Variants in CDK8 observed in about 807,000 individuals in gnomAD.
CDK8 encodes the protein cyclin dependent kinase 8, also known as cyclin-dependent kinase 8.
A neutral mutation model predicts 71.5 loss-of-function variants in CDK8; 29 were observed. That is an observed-to-expected ratio of 0.41 (90% CI 0.30 to 0.55). CDK8 has a LOEUF of 0.55. Among genes scored for constraint, CDK8 ranks in the 20% least tolerant of loss-of-function variants. The pLI, the probability that CDK8 is intolerant of heterozygous loss-of-function variation, is 0.37. For synonymous variants in CDK8, 161 were observed against 192.1 expected (o/e 0.84, Z 1.34); for missense variants, 288 against 572.6 (o/e 0.50, Z 5.07).
intron 1 of CDK8, among the ~76,000 whole-genome samples, chr13:26,271,806 CTTTTTTTTTTTTTTT>C (rs58160694): frequency 0.38 from 23,731 of 62,368 alleles, 3,857 homozygotes; most frequent in East Asian, 0.56. Context: ...GAGACCCTGT[CTTTTTTTTTTTTTTT>C]TTTTTTTTTT....
chr13:26,301,624 A>G (rs1458751511), intron 1 of CDK8, among the ~76,000 whole-genome samples: 2 of 152,220 alleles, frequency 1.3e-5, no homozygotes, highest in African/African-American at 4.8e-5. Context: ...GAGCATTAGT[A>G]TCAATGTAGA....
At chr13:26,361,784 C>CTTTTTTTTTTTTTTT (rs553508554) in intron 4 of CDK8, among the ~76,000 whole-genome samples, 17 of 63,346 alleles carry the variant, frequency 2.7e-4, no homozygotes, top group African/African-American at 5.6e-4. Flanking sequence ...TTTCTTTTCC[C>CTTTTTTTTTTTTTTT]TTTTTTTTTT....
chr13:26,276,503 G>T (rs776753654), intron 1 of CDK8, among the ~76,000 whole-genome samples: 4 of 152,114 alleles, frequency 2.6e-5, no homozygotes, highest in Non-Finnish European at 5.9e-5. Context: ...TAAGGCAATG[G>T]ATGCAAAACA....
intron 12 of CDK8, 37 bp from the exon 13 acceptor site, chr13:26,403,919 G>A (rs1011884592): frequency 3.8e-5 from 61 of 1,604,340 alleles, no homozygotes; most frequent in Non-Finnish European, 4.7e-5. Context: ...TCCCCTAGAA[G>A]CACCTGAATC....
intron 6 of CDK8, among the ~76,000 whole-genome samples, chr13:26,385,719 G>A (rs1002983195): frequency 3.3e-5 from 5 of 152,042 alleles, no homozygotes; most frequent in South Asian, 2.1e-4. Context: ...CCTAGGCGAC[G>A]GGGAGACACT....
chr13:26,299,245 C>T (rs1270282978), intron 1 of CDK8, among the ~76,000 whole-genome samples: 1 of 152,158 alleles, frequency 6.6e-6, no homozygotes, highest in Non-Finnish European at 1.5e-5. Flanking sequence ...CATGACTACT[C>T]TTAAAACTGA....
chr13:26,374,090 G>A lies in CDK8; in HGVS notation c.457-8724G>A, dbSNP rs1373583328. Among the ~76,000 whole-genome samples, 17 of 150,954 alleles carry A rather than the reference G, an allele frequency of 1.1e-4. 1 individual carries two copies. Among genetic ancestry groups the A allele is most frequent in the African/African-American group, 3.9e-4 (16 of 41,090 alleles). On this transcript the variant is annotated intron_variant, in intron 4 of 12. Coordinates refer to ENST00000381527, the MANE Select transcript of CDK8 (RefSeq NM_001260.3). ...GTGGTGGGTGCCTGTAGTCCCAGCT[G>A]CTCGAGAGGCTGAGGCAGGAGAATG...
intron 7 of CDK8, among the ~76,000 whole-genome samples, chr13:26,395,953 A>G (rs1290502287): frequency 6.6e-6 from 1 of 152,232 alleles, no homozygotes; most frequent in Admixed American, 6.5e-5. Context: ...AAGCAGTTTT[A>G]CTAATAGAAA....
At chr13:26,379,987 A>G (rs1409341161) in intron 4 of CDK8, among the ~76,000 whole-genome samples, 1 of 152,242 alleles carries the variant, frequency 6.6e-6, no homozygotes, top group Non-Finnish European at 1.5e-5. Flanking sequence ...TAGCGATGAC[A>G]TAGTTGTGAA....
At chr13:26,285,564 T>A (rs1420677944) in intron 1 of CDK8, among the ~76,000 whole-genome samples, 1 of 152,170 alleles carries the variant, frequency 6.6e-6, no homozygotes, top group African/African-American at 2.4e-5. Flanking sequence ...TGAAAACATT[T>A]CCCCTGAGAA....
At chr13:26,349,433 A>C (rs1873596402) in intron 3 of CDK8, among the ~76,000 whole-genome samples, 1 of 152,218 alleles carries the variant, frequency 6.6e-6, no homozygotes, top group Non-Finnish European at 1.5e-5. Context: ...ACAACTATTC[A>C]ATATTGCTTC....
intron 4 of CDK8, among the ~76,000 whole-genome samples, chr13:26,368,350 G>A (rs190130433): frequency 3.7e-4 from 56 of 152,234 alleles, no homozygotes; most frequent in Admixed American, 9.8e-4. Context: ...AAATCACATC[G>A]TGTCATTCCC....
intron 1 of CDK8, among the ~76,000 whole-genome samples, chr13:26,319,434 A>G (rs1408509411): frequency 2.0e-5 from 3 of 151,422 alleles, no homozygotes; most frequent in African/African-American, 7.3e-5. Context: ...ATGCCATTGC[A>G]CTCCACCCTG....
At chr13:26,394,116 A>T (rs1055647100) in intron 7 of CDK8, among the ~76,000 whole-genome samples, 1 of 152,166 alleles carries the variant, frequency 6.6e-6, no homozygotes, top group African/African-American at 2.4e-5. Context: ...ACTGTATCTC[A>T]ATCCCTAGTT....
intron 1 of CDK8, among the ~76,000 whole-genome samples, chr13:26,256,578 G>T (rs1318852947): frequency 1.3e-5 from 2 of 152,110 alleles, no homozygotes; most frequent in African/African-American, 4.8e-5. Context: ...CATTTTATTA[G>T]AAAACTAATA....
At chr13:26,297,498 G>C (rs564832689) in intron 1 of CDK8, among the ~76,000 whole-genome samples, 2 of 152,160 alleles carry the variant, frequency 1.3e-5, no homozygotes, top group African/African-American at 4.8e-5. Context: ...GCTGAGAATC[G>C]TCAACTTCAG....
At chr13:26,366,958 A>G (rs1874418961) in intron 4 of CDK8, among the ~76,000 whole-genome samples, 1 of 152,232 alleles carries the variant, frequency 6.6e-6, no homozygotes, top group Non-Finnish European at 1.5e-5. Flanking sequence ...CTTAGCTGCC[A>G]TAGTAATTCT....
intron 1 of CDK8, among the ~76,000 whole-genome samples, chr13:26,336,899 A>G (rs1047259755): frequency 2.6e-5 from 4 of 152,102 alleles, no homozygotes; most frequent in Non-Finnish European, 5.9e-5. Flanking sequence ...CCCTTTGAGT[A>G]ACCTTTTCTG....
At chr13:26,301,773 T>C (rs529614003) in intron 1 of CDK8, among the ~76,000 whole-genome samples, 2 of 152,322 alleles carry the variant, frequency 1.3e-5, no homozygotes, top group South Asian at 4.1e-4. Context: ...TTCCCTTCCT[T>C]GATGATGGTA....
Sources: allele counts gnomAD v4.1 joint callset (sites outside exome capture counted in the v4.1 genomes callset), GRCh38; gene constraint gnomAD v4.1.1; transcripts MANE v1.5; gene names NCBI Gene and HGNC (gene_info 2026-07-23, HGNC 2026-07-21).